CORIN: variants seen among roughly 807,000 people sequenced by gnomAD.
CORIN encodes corin, serine peptidase.
CORIN carries 117 observed loss-of-function variants against 125.3 expected under a neutral mutation model. The observed-to-expected ratio is 0.93, with a 90% CI of 0.80 to 1.09. The LOEUF (loss-of-function observed/expected upper bound fraction) is 1.09, where lower values mean the gene tolerates loss of function less well. Among genes scored for constraint, CORIN ranks in the 50% least tolerant of loss-of-function variants. CORIN has a pLI of 0.00. For synonymous variants in CORIN, 450 were observed against 466.4 expected (o/e 0.96, Z 0.45); for missense variants, 1,253 against 1,306.7 (o/e 0.96, Z 0.63).
intron 4 of CORIN, among the ~76,000 whole-genome samples, chr4:47,757,544 G>A (rs902727159): frequency 4.6e-5 from 7 of 150,538 alleles, no homozygotes; most frequent in African/African-American, 1.5e-4. Flanking sequence ...GCAGTGAGCC[G>A]AGATCACACT....
At chr4:47,706,644 G>C (rs1726574149) in intron 5 of CORIN, 1 of 1,608,930 alleles carries the variant, frequency 6.2e-7, no homozygotes, top group South Asian at 1.1e-5. Context: ...GTGTTAACCA[G>C]CTAAAATTTT....
intron 13 of CORIN, among the ~76,000 whole-genome samples, chr4:47,647,766 G>A (rs926347731): frequency 5.3e-5 from 8 of 152,316 alleles, no homozygotes; most frequent in East Asian, 1.9e-4. Flanking sequence ...TGAAGTATGC[G>A]TAAGGGGTAG....
intron 2 of CORIN, among the ~76,000 whole-genome samples, chr4:47,802,563 T>C (rs1731591774): frequency 1.3e-5 from 2 of 152,268 alleles, no homozygotes; most frequent in South Asian, 4.1e-4. Context: ...AAGGACTTTG[T>C]CTTGTGGTTC....
chr4:47,637,744 G>A (rs574152790), intron 16 of CORIN, among the ~76,000 whole-genome samples: 84 of 152,334 alleles, frequency 5.5e-4, no homozygotes, highest in South Asian at 1.7e-3. Context: ...TTTGCTGCAG[G>A]GGTGGGGCCC....
At chr4:47,647,772 G>C (rs1723552523) in intron 13 of CORIN, among the ~76,000 whole-genome samples, 1 of 152,170 alleles carries the variant, frequency 6.6e-6, no homozygotes, top group African/African-American at 2.4e-5. Flanking sequence ...ATGCGTAAGG[G>C]GTAGGAGCAG....
chr4:47,605,363 G>A (rs1280783603), intron 19 of CORIN, among the ~76,000 whole-genome samples: 3 of 152,092 alleles, frequency 2.0e-5, no homozygotes, highest in South Asian at 2.1e-4. Context: ...TCCTCAACAA[G>A]TACCTATTTA....
chr4:47,709,275 A>AC (rs539916551), intron 5 of CORIN, among the ~76,000 whole-genome samples: 1 of 18,770 alleles, frequency 5.3e-5, no homozygotes, highest in East Asian at 0.019. Flanking sequence ...GCAGTACTTT[A>AC]TTTATTTATT....
intron 2 of CORIN, among the ~76,000 whole-genome samples, chr4:47,794,793 A>C (rs187394726): frequency 2.6e-5 from 4 of 152,196 alleles, no homozygotes; most frequent in East Asian, 3.9e-4. Context: ...ACACCTTTTA[A>C]AGCTGAAACG....
At chr4:47,722,334 C>G (rs73144263) in intron 5 of CORIN, among the ~76,000 whole-genome samples, 1,614 of 152,326 alleles carry the variant, frequency 0.011, 36 homozygotes, top group African/African-American at 0.037. Context: ...TAAATTTCCT[C>G]TTTTCTATCA....
chr4:47,653,602 T>C lies in CORIN; in HGVS notation c.1794A>G (p.Arg598=). The C allele has an allele frequency of 6.2e-7, 1 of 1,614,106 alleles. No individual in the cohort carries two copies. Among genetic ancestry groups the C allele is most frequent in the Middle Eastern group, 1.6e-4 (1 of 6,062 alleles). ...CGTCACAGTCGGCCTGGCCATCACA[T>C]CTTCTGGAAGCCAGAACACACTGTC... ...RSGQCVLASR[R]CDGQADCDDD... is the part of the protein sequence containing the mutation. Residue 598 remains arginine (R), a synonymous_variant, in exon 13 of 22, where the codon AGA becomes AGG. Transcript: ENST00000273857.
intron 6 of CORIN, among the ~76,000 whole-genome samples, chr4:47,690,486 C>T (rs1469149605): frequency 2.0e-5 from 3 of 152,154 alleles, no homozygotes; most frequent in African/African-American, 7.2e-5. Flanking sequence ...TTGAACCTGA[C>T]TAAAAAGGAA....
At chr4:47,705,493 C>A (rs1191842506) in intron 5 of CORIN, among the ~76,000 whole-genome samples, 1 of 152,054 alleles carries the variant, frequency 6.6e-6, no homozygotes, top group South Asian at 2.1e-4. Flanking sequence ...AATACTACTG[C>A]CAAAATTAAG....
chr4:47,765,283 C>A (rs192257827), intron 3 of CORIN, among the ~76,000 whole-genome samples: 1 of 151,486 alleles, frequency 6.6e-6, no homozygotes, highest in Non-Finnish European at 1.5e-5. Flanking sequence ...TGCACCCCAG[C>A]CTGGGCGACA....
chr4:47,630,789 C>T (rs1376459143), intron 16 of CORIN, among the ~76,000 whole-genome samples: 1 of 152,204 alleles, frequency 6.6e-6, no homozygotes, highest in Non-Finnish European at 1.5e-5. Flanking sequence ...TCAGAATCAC[C>T]TGGAGGACCT....
chr4:47,681,256 A>G (rs924600769), intron 7 of CORIN: 17 of 152,284 alleles, frequency 1.1e-4, no homozygotes, highest in African/African-American at 4.1e-4. Context: ...AGGAAAGTAT[A>G]GGGAGGACAT....
intron 1 of CORIN, among the ~76,000 whole-genome samples, chr4:47,810,121 G>C (rs1055013508): frequency 1.3e-5 from 2 of 152,128 alleles, no homozygotes; most frequent in African/African-American, 4.8e-5. Flanking sequence ...TCATTCTTTT[G>C]TGTTTTGTTT....
intron 3 of CORIN, among the ~76,000 whole-genome samples, chr4:47,768,294 G>C (rs765777287): frequency 6.6e-6 from 1 of 152,104 alleles, no homozygotes; most frequent in Non-Finnish European, 1.5e-5. Flanking sequence ...AAGCCTGTTC[G>C]GTGGTCTCTT....
chr4:47,682,843 T>G (rs1306378311), intron 7 of CORIN: 1 of 152,194 alleles, frequency 6.6e-6, no homozygotes, highest in Non-Finnish European at 1.5e-5. Flanking sequence ...TTTAAAATAT[T>G]TTTACAGATA....
At chr4:47,692,295 C>T (rs1319892456) in intron 6 of CORIN, among the ~76,000 whole-genome samples, 1 of 151,986 alleles carries the variant, frequency 6.6e-6, no homozygotes, top group African/African-American at 2.4e-5. Flanking sequence ...CTTTTTTTAA[C>T]CTACTAGGGG....
Sources: allele counts gnomAD v4.1 joint callset (sites outside exome capture counted in the v4.1 genomes callset), GRCh38; gene constraint gnomAD v4.1.1; transcripts MANE v1.5; gene names NCBI Gene and HGNC (gene_info 2026-07-23, HGNC 2026-07-21).